Variants in ST8SIA5 observed in about 807,000 individuals in gnomAD.
ST8SIA5 encodes the protein alpha-2,8-sialyltransferase 8E.
In ST8SIA5, 24 loss-of-function variants were observed where a neutral mutation model predicts 40.2. That is an observed-to-expected ratio of 0.60 (90% CI 0.43 to 0.84). The LOEUF is 0.84. Ranked by LOEUF, ST8SIA5 falls within the 40% of genes least tolerant of loss-of-function variation. The pLI, the probability that ST8SIA5 is intolerant of heterozygous loss-of-function variation, is 0.00. For synonymous variants in ST8SIA5, 198 were observed against 201.8 expected, an observed-to-expected ratio of 0.98 and a Z score of 0.16; for missense variants, 465 against 498.5, an observed-to-expected ratio of 0.93 and a Z score of 0.64.
chr18:46,704,264 C>T (rs1460775629), intron 2 of ST8SIA5, among the ~76,000 whole-genome samples: 1 of 152,190 alleles, frequency 6.6e-6, no homozygotes, highest in Non-Finnish European at 1.5e-5. Context: ...TCTTCAATTT[C>T]TACACAAGAG....
At chr18:46,734,580 G>A (rs2040016536) in intron 1 of ST8SIA5, among the ~76,000 whole-genome samples, 2 of 152,164 alleles carry the variant, frequency 1.3e-5, no homozygotes, top group South Asian at 4.1e-4. Context: ...AGGAGAGGAG[G>A]GAAAATGGTG....
rs115986428 is a variant in ST8SIA5 at position 46,751,113 on chromosome 18, T to C, written c.131+5265A>G. On this transcript the variant is annotated intron_variant, in intron 1 of 6. Coordinates refer to ENST00000315087, the MANE Select transcript of ST8SIA5 (RefSeq NM_013305.6). ...CTCATCTTTCCAAACTGAAACTCCA[T>C]ACCCATTAAAAGATGACTCCCCATC... Among the ~76,000 whole-genome samples the C allele has an allele frequency of 1.4e-3, 212 of 152,274 alleles. 1 individual carries two copies. Among genetic ancestry groups the C allele is most frequent in the African/African-American group, 4.9e-3 (203 of 41,558 alleles).
chr18:46,717,259 G>C (rs1278743483), intron 1 of ST8SIA5, among the ~76,000 whole-genome samples: 1 of 152,208 alleles, frequency 6.6e-6, no homozygotes, highest in Non-Finnish European at 1.5e-5. Flanking sequence ...TCCCAGAGGG[G>C]CCATGCTCGG....
At chr18:46,686,141 T>C (rs370102139) in intron 5 of ST8SIA5, 33 bp downstream of exon 5, 9 of 1,592,268 alleles carry the variant, frequency 5.7e-6, no homozygotes, top group Non-Finnish European at 7.8e-6. Flanking sequence ...GGCCATGGGG[T>C]AGTGGCAAGG....
intron 1 of ST8SIA5, among the ~76,000 whole-genome samples, chr18:46,706,864 T>C (rs2144503884): frequency 6.6e-6 from 1 of 152,284 alleles, no homozygotes; most frequent in East Asian, 1.9e-4. Context: ...AACACCTTCA[T>C]GATTATATCA....
chr18:46,756,280 C>G, intron 1 of ST8SIA5, 98 bp downstream of exon 1: 2 of 1,515,558 alleles, frequency 1.3e-6, no homozygotes, highest in South Asian at 1.3e-5. Context: ...CACGGCCACT[C>G]ACCCCGGGGC....
In ST8SIA5 at chr18:46,679,831, G is replaced by GA; in HGVS notation, c.*210_*211insT. The GA allele has an allele frequency of 1.7e-6, 1 of 598,890 alleles. No individual in the cohort carries two copies. Among genetic ancestry groups the GA allele is most frequent in the East Asian group, 2.8e-5 (1 of 35,150 alleles). The allele number at this position is 598,890 out of a possible 1,614,324, so 37.1% of individuals were successfully genotyped here. The stretch of plus-strand genomic sequence containing the variant: ...CGCACTGGGCGGATGCACCGGTGGG[G>GA]GCCAGGCCAGGAGGCTCAGCACAGA... On this transcript the variant is annotated 3_prime_UTR_variant, in exon 7 of 7. Coordinates refer to ENST00000315087, the MANE Select transcript of ST8SIA5 (RefSeq NM_013305.6).
intron 2 of ST8SIA5, among the ~76,000 whole-genome samples, chr18:46,696,264 G>C (rs2039556334): frequency 6.6e-6 from 1 of 152,178 alleles, no homozygotes; most frequent in Non-Finnish European, 1.5e-5. Flanking sequence ...CACAGGGTAT[G>C]AGGGAGAGGT....
At chr18:46,725,533 G>T (rs940603211) in intron 1 of ST8SIA5, among the ~76,000 whole-genome samples, 1 of 147,142 alleles carries the variant, frequency 6.8e-6, no homozygotes, top group African/African-American at 2.6e-5. Flanking sequence ...TTATTAAATG[G>T]CACGGGTGGG....
chr18:46,712,780 G>A (rs552320807), intron 1 of ST8SIA5, among the ~76,000 whole-genome samples: 2 of 152,204 alleles, frequency 1.3e-5, no homozygotes, highest in South Asian at 2.1e-4. Flanking sequence ...CCACAGGGGC[G>A]ACAATAAATG....
chr18:46,751,830 C>T (rs114729250), intron 1 of ST8SIA5, among the ~76,000 whole-genome samples: 13 of 152,270 alleles, frequency 8.5e-5, no homozygotes, highest in African/African-American at 2.9e-4. Context: ...TAACATATGC[C>T]ATACTGTGCT....
chr18:46,751,494 T>G (rs1329636717), intron 1 of ST8SIA5, among the ~76,000 whole-genome samples: 1 of 152,086 alleles, frequency 6.6e-6, no homozygotes, highest in African/African-American at 2.4e-5. Flanking sequence ...CCTCCCAGTT[T>G]CAAGCAATTC....
intron 1 of ST8SIA5, among the ~76,000 whole-genome samples, chr18:46,710,873 T>C (rs1486550746): frequency 6.6e-6 from 1 of 152,128 alleles, no homozygotes; most frequent in East Asian, 1.9e-4. Flanking sequence ...TGCATTCAGC[T>C]TTCTATCTAA....
intron 5 of ST8SIA5, 53 bp downstream of exon 5, chr18:46,686,121 T>C: frequency 6.4e-7 from 1 of 1,552,800 alleles, no homozygotes; most frequent in Non-Finnish European, 8.9e-7. Context: ...GGGAAGAATA[T>C]GGAGGAGAGG....
At chr18:46,686,440 A>T (rs2039448746) in intron 4 of ST8SIA5, among the ~76,000 whole-genome samples, 154 bp from the exon 5 acceptor site, 1 of 152,220 alleles carries the variant, frequency 6.6e-6, no homozygotes, top group African/African-American at 2.4e-5. Flanking sequence ...TCCACTTTAC[A>T]GATGGGAAGA....
In ST8SIA5 at chr18:46,674,223, A is replaced by G. The variant is rs1006907997; in HGVS notation, c.*5819T>C. The G allele has an allele frequency of 6.6e-5, 10 of 152,218 alleles. No individual in the cohort carries two copies. The highest frequency in any genetic ancestry group is 2.2e-4 in the African/African-American group (9 of 41,466). 9.4% of individuals were successfully genotyped at this position (152,218 alleles called of 1,614,324 possible). ...AGGAAGGGAAGAAGTAGACAACAAG[A>G]AACACAGAAAATGTCTCTCCCTTCT... On this transcript the variant is annotated 3_prime_UTR_variant, in exon 7 of 7. Transcript: ENST00000315087.
intron 2 of ST8SIA5, among the ~76,000 whole-genome samples, chr18:46,698,436 C>T (rs112448088): frequency 0.024 from 3,632 of 151,830 alleles, 136 homozygotes; most frequent in African/African-American, 0.082. Context: ...ACTCACCACA[C>T]CAACAATTAA....
chr18:46,740,090 A>G (rs905670121), intron 1 of ST8SIA5, among the ~76,000 whole-genome samples: 10 of 152,236 alleles, frequency 6.6e-5, no homozygotes, highest in African/African-American at 2.4e-4. Flanking sequence ...CTCAGAGTCT[A>G]CTTTCCAGGG....
chr18:46,673,004 T>C lies in ST8SIA5; in HGVS notation c.*7038A>G, dbSNP rs2039318064. On this transcript the variant is annotated 3_prime_UTR_variant, in exon 7 of 7. Transcript: ENST00000315087. ...CAAATATTATATGATTCTACTTATA[T>C]GAGGGACCTAGAGCAGTAAAATTCA... is the stretch of plus-strand genomic sequence containing the variant. 6.6e-6 allele frequency: 1 copy of C among 152,334 alleles called. No individual in the cohort carries two copies. Among genetic ancestry groups the C allele is most frequent in the African/African-American group, 2.4e-5 (1 of 41,570 alleles). 9.4% of individuals were successfully genotyped at this position (152,334 alleles called of 1,614,324 possible). A position where few individuals can be genotyped will look rare whatever the true frequency, so the allele number is the denominator to read the frequency against.
Sources: gnomAD v4.1 joint callset for allele counts (sites outside exome capture counted in the v4.1 genomes callset) on GRCh38, gnomAD v4.1.1 for gene constraint, MANE v1.5 for transcripts, NCBI Gene and HGNC (gene_info 2026-07-23, HGNC 2026-07-21) for gene names.